Variants in SIPA1L3 observed in about 807,000 individuals in gnomAD.
SIPA1L3 encodes signal-induced proliferation-associated 1-like protein 3.
SIPA1L3 carries 59 observed loss-of-function variants against 150.1 expected under a neutral mutation model. The ratio of observed to expected loss-of-function variants is 0.39; its 90% CI spans 0.32 to 0.49. SIPA1L3 has a LOEUF of 0.49. SIPA1L3 is among the 20% of genes least tolerant of loss of function. The pLI, the probability that SIPA1L3 is intolerant of heterozygous loss-of-function variation, is 0.86. For missense variants in SIPA1L3, 2,211 were observed against 2,489.5 expected, an observed-to-expected ratio of 0.89 and a Z score of 2.38; for synonymous variants, 1,070 against 1,077.6, an observed-to-expected ratio of 0.99 and a Z score of 0.14.
At chr19:38,067,852 C>T (rs561838041) in intron 2 of SIPA1L3, among the ~76,000 whole-genome samples, 2 of 152,160 alleles carry the variant, frequency 1.3e-5, no homozygotes, top group East Asian at 1.9e-4. Flanking sequence ...GTGGCTGAGA[C>T]TCCACTCGTT....
chr19:38,101,387 T>C (rs915769853), intron 6 of SIPA1L3, among the ~76,000 whole-genome samples, 161 bp downstream of exon 6: 2 of 152,182 alleles, frequency 1.3e-5, no homozygotes, highest in South Asian at 4.1e-4. Flanking sequence ...CTTTATTTTT[T>C]CGTGTTGTTG....
chr19:38,179,011 T>TCAGA (rs1356053407), intron 15 of SIPA1L3, among the ~76,000 whole-genome samples: 1 of 152,266 alleles, frequency 6.6e-6, no homozygotes, highest in East Asian at 1.9e-4. Flanking sequence ...ATGGGAGTGT[T>TCAGA]CAGACCATTC....
intron 2 of SIPA1L3, among the ~76,000 whole-genome samples, chr19:38,077,666 T>TC (rs1333158193): frequency 1.4e-5 from 1 of 71,024 alleles, no homozygotes; most frequent in African/African-American, 7.1e-5. Flanking sequence ...TTTTTCTTTT[T>TC]TTTTTTTTTT....
intron 6 of SIPA1L3, among the ~76,000 whole-genome samples, chr19:38,101,950 G>C (rs746715766): frequency 7.9e-5 from 12 of 152,344 alleles, no homozygotes; most frequent in South Asian, 4.1e-4. Context: ...GCGTGGAAGA[G>C]AGCCACATGC....
Position 38,141,369 on chromosome 19 carries a change from T to G in SIPA1L3, c.3329T>G (p.Leu1110Arg). 2 of 1,613,862 alleles carry G rather than the reference T, an allele frequency of 1.2e-6. No homozygotes were observed. Among genetic ancestry groups the G allele is most frequent in the Non-Finnish European group, 1.7e-6 (2 of 1,180,002 alleles). The change falls in exon 11 of 22, where the codon CTG becomes CGG. Residue 1110 changes from leucine to arginine, a missense_variant. Transcript: ENST00000222345. The stretch of plus-strand genomic sequence containing the variant: ...ACCACTCCCGGCCATGCCCAGTCCC[T>G]GAGCCGGCCCCTGAAGCAGACCCCC... ...TPTTPGHAQS[L>R]SRPLKQTPIV...
Position 38,082,988 on chromosome 19 carries a change from G to C in SIPA1L3, c.1423G>C (p.Val475Leu). Residue 475 changes from valine to leucine, a missense_variant, in exon 3 of 22, where the codon GTG (valine) becomes CTG (leucine). Transcript: ENST00000222345. The stretch of plus-strand genomic sequence containing the variant: ...CTACCGCACCAACGCCAGCATCTCG[G>C]TGTTGGAAGTTCCCAAGGAGCAGCA... ...SAYRTNASISVLEVPKEQQRT... is the reference protein window; with the variant it reads ...SAYRTNASISLLEVPKEQQRT... The C allele has an allele frequency of 1.9e-6, 3 of 1,613,270 alleles. No individual in the cohort carries two copies. The highest frequency in any genetic ancestry group is 2.5e-6 in the Non-Finnish European group (3 of 1,179,946).
At chr19:38,076,453 C>T (rs762844439) in intron 2 of SIPA1L3, among the ~76,000 whole-genome samples, 7 of 152,316 alleles carry the variant, frequency 4.6e-5, no homozygotes, top group Admixed American at 3.3e-4. Flanking sequence ...GTTGCTACTG[C>T]GGTGAGCTCA....
chr19:37,979,197 A>G (rs1488217125), intron 1 of SIPA1L3, among the ~76,000 whole-genome samples: 1 of 152,074 alleles, frequency 6.6e-6, no homozygotes, highest in Non-Finnish European at 1.5e-5. Flanking sequence ...AATGGGTTTT[A>G]CGTTTTTAAA....
chr19:38,032,809 C>T lies in SIPA1L3; in HGVS notation c.-311+3653C>T, dbSNP rs530928855. On this transcript the variant is annotated intron_variant, in intron 2 of 21. Transcript: ENST00000222345. ...CAGAGGTGGCAGTGAGCTGAGGTTG[C>T]GCCACTGCACTCCAGCCTGGGCAAC... is the stretch of plus-strand genomic sequence containing the variant. 5.6e-4 allele frequency among the ~76,000 whole-genome samples: 85 copies of T among 151,238 alleles called. 1 individual carries two copies. Among genetic ancestry groups the T allele is most frequent in the African/African-American group, 1.8e-3 (75 of 41,122 alleles).
intron 17 of SIPA1L3, among the ~76,000 whole-genome samples, chr19:38,192,626 A>C (rs2384779): frequency 0.05 from 7,548 of 152,134 alleles, 623 homozygotes; most frequent in East Asian, 0.29. Flanking sequence ...AGCCACATCC[A>C]CCCAAACCAC....
rs1306319503 is a variant in SIPA1L3, at chr19:38,130,541, G to A, written c.2912G>A (p.Arg971Gln). 8.1e-6 allele frequency: 13 copies of A among 1,613,398 alleles called. No homozygotes were observed. Among genetic ancestry groups the A allele is most frequent in the Admixed American group, 3.3e-5 (2 of 60,000 alleles). ...GWETVDMTLR[R>Q]NGLGQLGFHV... ...GAGACGGTGGACATGACGCTTCGGC[G>A]GAACGGGCTCGGGCAGCTGGGCTTC... Residue 971 changes from arginine (R) to glutamine (Q), a missense_variant, in exon 10 of 22, where the codon CGG (arginine) becomes CAG (glutamine). Transcript: ENST00000222345.
chr19:37,953,209 AAGT>A (rs1178712426), intron 1 of SIPA1L3, among the ~76,000 whole-genome samples: 2 of 152,146 alleles, frequency 1.3e-5, no homozygotes, highest in Admixed American at 1.3e-4. Context: ...AAATGAATGA[AAGT>A]AGAGTTTAAG....
At chr19:38,138,148 A>G (rs1428803156) in intron 10 of SIPA1L3, among the ~76,000 whole-genome samples, 1 of 151,618 alleles carries the variant, frequency 6.6e-6, no homozygotes. Flanking sequence ...AAAAAAAAAT[A>G]ATAAAGTAAC....
At chr19:37,942,855 C>A (rs896227324) in intron 1 of SIPA1L3, among the ~76,000 whole-genome samples, 1 of 152,010 alleles carries the variant, frequency 6.6e-6, no homozygotes, top group Non-Finnish European at 1.5e-5. Context: ...AGGATAGCCC[C>A]AGTCCCCTTT....
intron 8 of SIPA1L3, among the ~76,000 whole-genome samples, chr19:38,112,676 G>A (rs557150652): frequency 4.0e-5 from 6 of 151,884 alleles, no homozygotes; most frequent in South Asian, 2.1e-4. Context: ...TGTTTGCTTC[G>A]GCTCTCCCTC....
At chr19:38,162,398 C>G (rs764459377) in intron 14 of SIPA1L3, 27 bp downstream of exon 14, 1 of 1,571,512 alleles carries the variant, frequency 6.4e-7, no homozygotes, top group South Asian at 1.1e-5. Flanking sequence ...CCCTGCCCTA[C>G]CGGGGGAGCC....
At chr19:37,943,192 A>G (rs961269595) in intron 1 of SIPA1L3, among the ~76,000 whole-genome samples, 1 of 151,950 alleles carries the variant, frequency 6.6e-6, no homozygotes, top group African/African-American at 2.4e-5. Flanking sequence ...GAGGTTTTCT[A>G]CTACACACAT....
At chr19:37,969,682 A>C (rs2046936538) in intron 1 of SIPA1L3, among the ~76,000 whole-genome samples, 1 of 152,236 alleles carries the variant, frequency 6.6e-6, no homozygotes, top group East Asian at 1.9e-4. Context: ...TTCATTTCTC[A>C]AATATGCCAC....
chr19:38,009,642 A>T (rs1268301888), intron 1 of SIPA1L3, among the ~76,000 whole-genome samples: 1 of 151,950 alleles, frequency 6.6e-6, no homozygotes, highest in Non-Finnish European at 1.5e-5. Context: ...CCACCATGTT[A>T]CTGATGAGGA....
Sources: allele counts gnomAD v4.1 joint callset (sites outside exome capture counted in the v4.1 genomes callset), GRCh38; gene constraint gnomAD v4.1.1; transcripts MANE v1.5; gene names NCBI Gene and HGNC (gene_info 2026-07-23, HGNC 2026-07-21).